Variants in MAML2 observed in about 807,000 individuals in gnomAD.
MAML2 encodes the protein mastermind like transcriptional coactivator 2.
A neutral mutation model predicts 96.1 loss-of-function variants in MAML2; 22 were observed. The ratio of observed to expected loss-of-function variants is 0.23; its 90% CI spans 0.16 to 0.33. The LOEUF (loss-of-function observed/expected upper bound fraction) is 0.33, where lower values mean the gene tolerates loss of function less well. Among genes scored for constraint, MAML2 ranks in the 10% least tolerant of loss-of-function variants. MAML2 has a pLI of 1.00. For missense variants in MAML2, 1,367 were observed against 1,392.4 expected, an observed-to-expected ratio of 0.98 and a Z score of 0.29; for synonymous variants, 561 against 521.3, an observed-to-expected ratio of 1.08 and a Z score of -1.04.
chr11:96,234,752 T>C (rs1862344182), intron 1 of MAML2, among the ~76,000 whole-genome samples: 1 of 152,226 alleles, frequency 6.6e-6, no homozygotes, highest in Non-Finnish European at 1.5e-5. Context: ...TGTACAAATA[T>C]GGTTGCCTTT....
At chr11:96,244,431 GA>G (rs1862485309) in intron 1 of MAML2, among the ~76,000 whole-genome samples, 1 of 152,298 alleles carries the variant, frequency 6.6e-6, no homozygotes, top group Admixed American at 6.5e-5. Flanking sequence ...AAACTCTAAT[GA>G]TTAGAAAATT....
At chr11:96,310,252 G>A (rs1863520302) in intron 1 of MAML2, among the ~76,000 whole-genome samples, 1 of 151,668 alleles carries the variant, frequency 6.6e-6, no homozygotes, top group Non-Finnish European at 1.5e-5. Flanking sequence ...TTTTCACTAA[G>A]TAATGTAAAA....
intron 1 of MAML2, among the ~76,000 whole-genome samples, chr11:96,175,059 GA>G (rs1467973356): frequency 6.6e-6 from 1 of 152,218 alleles, no homozygotes; most frequent in Non-Finnish European, 1.5e-5. Context: ...GCAGGAAGGG[GA>G]AAACTAGAGG....
chr11:96,041,383 C>T (rs79665400), intron 2 of MAML2, among the ~76,000 whole-genome samples: 2,190 of 150,994 alleles, frequency 0.015, 49 homozygotes, highest in African/African-American at 0.048. Flanking sequence ...TGCCTGTGGT[C>T]CCAGCTACTC....
At chr11:96,314,581 T>G (rs1378228441) in intron 1 of MAML2, among the ~76,000 whole-genome samples, 3 of 152,230 alleles carry the variant, frequency 2.0e-5, no homozygotes, top group Admixed American at 2.0e-4. Context: ...CATTGCCACC[T>G]CCTTCTCTTT....
At chr11:95,989,193 C>T (rs1372626927) in intron 3 of MAML2, among the ~76,000 whole-genome samples, 4 of 152,220 alleles carry the variant, frequency 2.6e-5, no homozygotes, top group African/African-American at 9.6e-5. Flanking sequence ...GCCTATGTGG[C>T]CTTGCCAACT....
chr11:96,161,245 C>T (rs771691327), intron 1 of MAML2, among the ~76,000 whole-genome samples: 15 of 152,214 alleles, frequency 9.9e-5, no homozygotes, highest in Middle Eastern at 3.4e-3. Context: ...GTGGGGAAGG[C>T]AAGGGAATTA....
chr11:96,169,927 G>T (rs867567253), intron 1 of MAML2, among the ~76,000 whole-genome samples: 5 of 152,226 alleles, frequency 3.3e-5, no homozygotes, highest in African/African-American at 1.2e-4. Flanking sequence ...TATTGGGATT[G>T]CAGGCGTGGG....
chr11:96,293,080 T>A (rs1183137723), intron 1 of MAML2, among the ~76,000 whole-genome samples: 1 of 152,230 alleles, frequency 6.6e-6, no homozygotes, highest in East Asian at 1.9e-4. Context: ...TATCCACATC[T>A]TAGACATGCA....
chr11:96,298,597 A>G (rs1863334031), intron 1 of MAML2, among the ~76,000 whole-genome samples: 1 of 152,020 alleles, frequency 6.6e-6, no homozygotes, highest in Non-Finnish European at 1.5e-5. Flanking sequence ...ACAAAGAGGT[A>G]ATGAGTTCTG....
chr11:96,193,391 T>A (rs1395202541), intron 1 of MAML2, among the ~76,000 whole-genome samples: 1 of 152,082 alleles, frequency 6.6e-6, no homozygotes. Flanking sequence ...AAAAAATGTG[T>A]CTGGGGAATA....
chr11:96,143,755 G>A (rs552620912), intron 1 of MAML2, among the ~76,000 whole-genome samples: 3 of 152,326 alleles, frequency 2.0e-5, no homozygotes, highest in Non-Finnish European at 4.4e-5. Flanking sequence ...GGGGACCAAT[G>A]TCAAACCATT....
Position 95,977,990 on chromosome 11 carries a change from T to G in MAML2, c.*958A>C, listed in dbSNP as rs573191295. 4.5e-6 allele frequency: 1 copy of G among 221,168 alleles called. No homozygotes were observed. The highest frequency in any genetic ancestry group is 9.1e-6 in the Non-Finnish European group (1 of 110,458). 13.7% of individuals were successfully genotyped at this position (221,168 alleles called of 1,614,324 possible). On this transcript the variant is annotated 3_prime_UTR_variant, in exon 5 of 5. Coordinates refer to ENST00000524717, the MANE Select transcript of MAML2 (RefSeq NM_032427.4). Reference sequence around the variant, plus strand: ...TTCTTCTCCAAACTTCCTTTTCTTATAAACCAGCCTCAGTCATCAAAATGA... The same window carrying G: ...TTCTTCTCCAAACTTCCTTTTCTTAGAAACCAGCCTCAGTCATCAAAATGA...
intron 2 of MAML2, among the ~76,000 whole-genome samples, chr11:95,998,827 GA>G (rs1313286334): frequency 6.6e-6 from 1 of 152,056 alleles, no homozygotes; most frequent in Non-Finnish European, 1.5e-5. Flanking sequence ...TTAACTTATG[GA>G]AAAAAATCTG....
At chr11:96,224,754 G>C (rs1728357740) in intron 1 of MAML2, among the ~76,000 whole-genome samples, 1 of 152,180 alleles carries the variant, frequency 6.6e-6, no homozygotes, top group South Asian at 2.1e-4. Flanking sequence ...GCACAAAGTA[G>C]ATGCACATAA....
intron 1 of MAML2, among the ~76,000 whole-genome samples, chr11:96,144,794 T>C (rs1384557220): frequency 5.3e-5 from 8 of 152,242 alleles, no homozygotes; most frequent in Admixed American, 5.2e-4. Flanking sequence ...ATATACCAAG[T>C]ACTACTCTAG....
Position 95,979,552 on chromosome 11 carries a change from A to G in MAML2, c.2867T>C (p.Met956Thr). ...SMPPQRTSNV[M>T]ITSNTTAPNW... ...TGGTGCAGTTGTGTTGGATGTGATCATTACGTTTGATGTTCTCTGTGGTGG... is the reference window on the plus strand; with the variant it reads ...TGGTGCAGTTGTGTTGGATGTGATCGTTACGTTTGATGTTCTCTGTGGTGG... Residue 956 changes from methionine to threonine, a missense_variant, in exon 5 of 5, where the codon ATG becomes ACG. Physicochemically the swap from Met to Thr is moderately conservative, Grantham distance 81 (BLOSUM62 -1). Coordinates refer to ENST00000524717, the MANE Select transcript of MAML2 (RefSeq NM_032427.4). 1 of 1,613,372 alleles carries G rather than the reference A, an allele frequency of 6.2e-7. No individual in the cohort carries two copies. Among genetic ancestry groups the G allele is most frequent in the Non-Finnish European group, 8.5e-7 (1 of 1,179,736 alleles).
chr11:96,022,709 T>G (rs532776895), intron 2 of MAML2, among the ~76,000 whole-genome samples: 2 of 152,178 alleles, frequency 1.3e-5, no homozygotes, highest in Non-Finnish European at 2.9e-5. Flanking sequence ...TCTGAGCCTA[T>G]GGAAAATGAA....
chr11:96,340,220 A>G (rs970265971), intron 1 of MAML2, among the ~76,000 whole-genome samples: 2 of 152,222 alleles, frequency 1.3e-5, no homozygotes, highest in Non-Finnish European at 2.9e-5. Flanking sequence ...GCTCCTTTGG[A>G]GGAGCAGTTA....
Sources: gnomAD v4.1 joint callset for allele counts (sites outside exome capture counted in the v4.1 genomes callset) on GRCh38, gnomAD v4.1.1 for gene constraint, MANE v1.5 for transcripts, NCBI Gene and HGNC (gene_info 2026-07-23, HGNC 2026-07-21) for gene names.